The following COL11A1 variants were observed in gnomAD, a reference collection of about 807,000 sequenced individuals.
COL11A1 encodes the protein collagen alpha-1(XI) chain.
Under a neutral mutation model 265.2 loss-of-function variants are expected in COL11A1, and 74 were observed. The observed-to-expected ratio is 0.28, with a 90% confidence interval of 0.23 to 0.34. The LOEUF (loss-of-function observed/expected upper bound fraction) is 0.34, where lower values mean the gene tolerates loss of function less well. Ranked by LOEUF, COL11A1 falls within the 10% of genes least tolerant of loss-of-function variation. The probability of loss-of-function intolerance (pLI) is 1.00; values close to 1 mark genes in which losing one functional copy is unlikely to be tolerated. For missense variants in COL11A1, 2,165 were observed against 2,263.6 expected (o/e 0.96, Z 0.88); for synonymous variants, 816 against 727.6 (o/e 1.12, Z -1.96).
At chr1:103,064,237 T>C (rs1034276838) in intron 4 of COL11A1, among the ~76,000 whole-genome samples, 1 of 152,114 alleles carries the variant, frequency 6.6e-6, no homozygotes, top group Admixed American at 6.5e-5. Flanking sequence ...TATGCCTACA[T>C]GAAAACTGCA....
chr1:103,012,309 C>T, intron 14 of COL11A1, 104 bp downstream of exon 14: 2 of 821,568 alleles, frequency 2.4e-6, no homozygotes, highest in South Asian at 2.9e-5. Context: ...AAAACATACC[C>T]TATTGTCACC....
intron 41 of COL11A1, among the ~76,000 whole-genome samples, chr1:102,961,413 T>A (rs1660894753): frequency 6.6e-6 from 1 of 152,168 alleles, no homozygotes; most frequent in Admixed American, 6.5e-5. Context: ...CAAATTCAAG[T>A]CTCATCAAGT....
chr1:103,042,664 T>C (rs1557985795), intron 4 of COL11A1, among the ~76,000 whole-genome samples: 2 of 152,048 alleles, frequency 1.3e-5, no homozygotes, highest in Admixed American at 6.6e-5. Context: ...CTTATCACTA[T>C]TGACACTGCT....
Position 103,012,409 on chromosome 1 carries a change from C to T in COL11A1, c.1629+4G>A, listed in dbSNP as rs1666207564. ...CATATATTATCTTTGTTGGGGTAAC[C>T]TACCACAGGACCTGGTCTTCCAGTT... is the stretch of plus-strand genomic sequence containing the variant. On this transcript the variant is annotated splice_donor_region_variant and intron_variant, in intron 14 of 66. Transcript: ENST00000370096. The T allele has an allele frequency of 1.9e-6, 3 of 1,612,316 alleles. No individual in the cohort carries two copies. The highest frequency in any genetic ancestry group is 2.2e-5 in the East Asian group (1 of 44,834).
At position 103,102,196 on chromosome 1, in the gene COL11A1, C is replaced by T. The variant is rs566934225; in HGVS notation, c.106+5877G>A. Among the ~76,000 whole-genome samples the T allele has an allele frequency of 2.5e-3, 373 of 152,000 alleles. 3 individuals are homozygous for T. The highest frequency in any genetic ancestry group is 8.6e-3 in the African/African-American group (357 of 41,506). On this transcript the variant is annotated intron_variant, in intron 1 of 66. Coordinates refer to ENST00000370096, the MANE Select transcript of COL11A1 (RefSeq NM_001854.4). The stretch of plus-strand genomic sequence containing the variant: ...GTTTTGAAGGAAGGAGAAAGAAATA[C>T]ATTAGATGCATTCTAAAACAGAAAG...
intron 4 of COL11A1, among the ~76,000 whole-genome samples, chr1:103,064,891 G>A (rs1431724806): frequency 1.3e-5 from 2 of 151,378 alleles, no homozygotes; most frequent in African/African-American, 4.9e-5. Flanking sequence ...AGGATGAATA[G>A]GTAGAGAAAG....
intron 54 of COL11A1, among the ~76,000 whole-genome samples, chr1:102,904,589 G>C: frequency 6.6e-6 from 1 of 151,660 alleles, no homozygotes; most frequent in Non-Finnish European, 1.5e-5. Context: ...GTTCTCAAAA[G>C]AAGATATTTA....
Position 102,881,679 on chromosome 1 carries a change from G to A in COL11A1, c.5040+18C>T. ...TTGAGTTCGTGAAAAATCGTTTCAT[G>A]TTGAGGTAATAACATACCAGTTTTC... On this transcript the variant is annotated intron_variant, in intron 65 of 66. Coordinates refer to ENST00000370096, the MANE Select transcript of COL11A1 (RefSeq NM_001854.4). 6.3e-7 allele frequency: 1 copy of A among 1,593,998 alleles called. No homozygotes were observed. The highest frequency in any genetic ancestry group is 8.6e-7 in the Non-Finnish European group (1 of 1,162,488).
chr1:102,953,662 G>T (rs1348984393), intron 41 of COL11A1, among the ~76,000 whole-genome samples: 1 of 152,024 alleles, frequency 6.6e-6, no homozygotes, highest in South Asian at 2.1e-4. Context: ...TCAAATAATT[G>T]TAGAAGTAAA....
chr1:103,074,823 G>T, intron 3 of COL11A1, 43 bp from the exon 4 acceptor site: 1 of 1,605,044 alleles, frequency 6.2e-7, no homozygotes, highest in Non-Finnish European at 8.5e-7. Context: ...CAAAGAAACA[G>T]TGGTTGCCAA....
chr1:102,910,696 A>G (rs1654561530), intron 54 of COL11A1, among the ~76,000 whole-genome samples: 2 of 151,882 alleles, frequency 1.3e-5, no homozygotes, highest in Non-Finnish European at 2.9e-5. Flanking sequence ...GTGTTACATG[A>G]TTTATCTTAT....
At position 102,889,546 on chromosome 1, in the gene COL11A1, A is replaced by G. The variant is rs1651478594; in HGVS notation, c.4373T>C (p.Ile1458Thr). The change falls in exon 59 of 67, where the codon ATT becomes ACT. Residue 1458 changes from isoleucine (I) to threonine (T), a missense_variant. Coordinates refer to ENST00000370096, the MANE Select transcript of COL11A1 (RefSeq NM_001854.4). ...SKGEKGHPGL[I>T]GLIGPPGEQG... ...TTCTCCTGGAGGACCAATCAGGCCAATTAAACCAGGATGTCCCTTTGAAAG... is the reference window on the plus strand; with the variant it reads ...TTCTCCTGGAGGACCAATCAGGCCAGTTAAACCAGGATGTCCCTTTGAAAG... 2 of 1,613,508 alleles carry G rather than the reference A, an allele frequency of 1.2e-6. No individual in the cohort carries two copies. Among genetic ancestry groups the G allele is most frequent in the South Asian group, 1.1e-5 (1 of 91,074 alleles).
intron 5 of COL11A1, 51 bp from the exon 6 acceptor site, chr1:103,026,383 T>A: frequency 8.7e-7 from 1 of 1,155,490 alleles, no homozygotes; most frequent in Non-Finnish European, 1.3e-6. Flanking sequence ...GGCAAAATAC[T>A]ATTCACAAAG....
At chr1:103,035,244 T>C (rs36005955) in intron 4 of COL11A1, among the ~76,000 whole-genome samples, 1 of 151,946 alleles carries the variant, frequency 6.6e-6, no homozygotes, top group Non-Finnish European at 1.5e-5. Context: ...AAGTCTCCTT[T>C]TGGGCATCTC....
At chr1:102,969,215 C>A (rs1361447734) in intron 37 of COL11A1, among the ~76,000 whole-genome samples, 1 of 152,142 alleles carries the variant, frequency 6.6e-6, no homozygotes, top group African/African-American at 2.4e-5. Context: ...CTAAGAATTG[C>A]CACATGGTAA....
chr1:102,924,850 C>T (rs1431830222), intron 46 of COL11A1, among the ~76,000 whole-genome samples: 1 of 151,874 alleles, frequency 6.6e-6, no homozygotes, highest in African/African-American at 2.4e-5. Flanking sequence ...AATGAATATG[C>T]ATAAGTTTAA....
intron 4 of COL11A1, among the ~76,000 whole-genome samples, chr1:103,050,486 C>G (rs1216567086): frequency 1.3e-5 from 2 of 152,134 alleles, no homozygotes; most frequent in African/African-American, 4.8e-5. Flanking sequence ...ATTGGTTATT[C>G]TAGTTATCCA....
At chr1:102,924,027 G>A (rs1411243971) in intron 46 of COL11A1, among the ~76,000 whole-genome samples, 2 of 146,954 alleles carry the variant, frequency 1.4e-5, no homozygotes, top group African/African-American at 5.2e-5. Context: ...GCTAACACCG[G>A]TGAAACCCCG....
chr1:102,895,633 T>A (rs559590676), intron 57 of COL11A1, among the ~76,000 whole-genome samples: 121 of 152,102 alleles, frequency 8.0e-4, no homozygotes, highest in African/African-American at 2.7e-3. Context: ...TTTCAGAGAT[T>A]AATAGAAACC....
Sources: gnomAD v4.1 joint callset for allele counts (sites outside exome capture counted in the v4.1 genomes callset) on GRCh38, gnomAD v4.1.1 for gene constraint, MANE v1.5 for transcripts, NCBI Gene and HGNC (gene_info 2026-07-23, HGNC 2026-07-21) for gene names.